SORCS3: variants seen among roughly 807,000 people sequenced by gnomAD.
SORCS3 encodes VPS10 domain-containing receptor SorCS3.
A neutral mutation model predicts 146.3 loss-of-function variants in SORCS3; 57 were observed. The observed-to-expected ratio is 0.39, with a 90% confidence interval of 0.31 to 0.49. The LOEUF is 0.49. Among genes scored for constraint, SORCS3 ranks in the 20% least tolerant of loss-of-function variants. The probability of loss-of-function intolerance (pLI) is 0.92; values close to 1 mark genes in which losing one functional copy is unlikely to be tolerated. For missense variants in SORCS3, 1,341 were observed against 1,575.5 expected (o/e 0.85, Z 2.52); for synonymous variants, 653 against 618.5 (o/e 1.06, Z -0.83).
chr10:104,730,805 C>T (rs1002353614), intron 1 of SORCS3, among the ~76,000 whole-genome samples: 4 of 152,180 alleles, frequency 2.6e-5, no homozygotes, highest in African/African-American at 9.7e-5. Flanking sequence ...ATAAAACCAC[C>T]AGATCTCTTG....
intron 5 of SORCS3, among the ~76,000 whole-genome samples, chr10:105,048,730 A>C (rs2055391620): frequency 6.6e-6 from 1 of 152,028 alleles, no homozygotes; most frequent in South Asian, 2.1e-4. Flanking sequence ...AGACAGACTA[A>C]AAACCGTTTC....
intron 7 of SORCS3, among the ~76,000 whole-genome samples, chr10:105,108,936 CAT>C (rs1300841696): frequency 6.6e-6 from 1 of 152,134 alleles, no homozygotes; most frequent in Non-Finnish European, 1.5e-5. Flanking sequence ...ACAGATATGA[CAT>C]ATATGTCTTA....
chr10:104,705,225 G>GTT lies in SORCS3; in HGVS notation c.627+63289_627+63290dup, dbSNP rs11361828. Among the ~76,000 whole-genome samples the GTT allele has an allele frequency of 6.6e-3, 788 of 119,582 alleles. 12 individuals are homozygous for GTT. Among genetic ancestry groups the GTT allele is most frequent in the South Asian group, 0.022 (78 of 3,520 alleles). 78.5% of individuals were successfully genotyped at this position (119,582 alleles called of 152,430 possible). On this transcript the variant is annotated intron_variant, in intron 1 of 26. Transcript: ENST00000369701. ...CATCTTTTGATATGGGCAGGCCTTC[G>GTT]TTTTTTTTTTTTTTTTTTTAATTGG...
intron 22 of SORCS3, among the ~76,000 whole-genome samples, chr10:105,251,148 A>G (rs1048676472): frequency 6.6e-6 from 1 of 152,110 alleles, no homozygotes; most frequent in African/African-American, 2.4e-5. Context: ...GGTTTAACTG[A>G]CTCACAGTTC....
At chr10:105,166,265 C>T (rs1043495849) in intron 12 of SORCS3, among the ~76,000 whole-genome samples, 2 of 152,140 alleles carry the variant, frequency 1.3e-5, no homozygotes, top group African/African-American at 4.8e-5. Flanking sequence ...CTGACTGTAT[C>T]GTCTCCTTAT....
At chr10:104,901,144 C>G (rs929792282) in intron 2 of SORCS3, among the ~76,000 whole-genome samples, 4 of 152,146 alleles carry the variant, frequency 2.6e-5, no homozygotes, top group African/African-American at 9.7e-5. Flanking sequence ...CCATCATCAT[C>G]ATATTAATAA....
intron 4 of SORCS3, among the ~76,000 whole-genome samples, chr10:105,026,976 A>G (rs555477505): frequency 9.8e-5 from 15 of 152,288 alleles, no homozygotes; most frequent in Admixed American, 3.9e-4. Context: ...TGAATCTAAA[A>G]GAAAAGTTGA....
At chr10:105,115,360 A>G (rs1287052790) in intron 7 of SORCS3, among the ~76,000 whole-genome samples, 1 of 152,196 alleles carries the variant, frequency 6.6e-6, no homozygotes, top group Non-Finnish European at 1.5e-5. Flanking sequence ...GAATTGAGAG[A>G]CTAATCCACA....
chr10:104,702,060 C>T (rs1482461102), intron 1 of SORCS3, among the ~76,000 whole-genome samples: 1 of 152,044 alleles, frequency 6.6e-6, no homozygotes, highest in Non-Finnish European at 1.5e-5. Flanking sequence ...AATGGGTGGG[C>T]CTGTGTTCCA....
intron 5 of SORCS3, among the ~76,000 whole-genome samples, chr10:105,080,255 C>T (rs2055613991): frequency 6.6e-6 from 1 of 152,198 alleles, no homozygotes; most frequent in African/African-American, 2.4e-5. Flanking sequence ...ATCATTCTGA[C>T]TGGCATGAGA....
intron 3 of SORCS3, among the ~76,000 whole-genome samples, chr10:104,976,151 A>T (rs1445700173): frequency 1.3e-5 from 2 of 152,226 alleles, no homozygotes; most frequent in Non-Finnish European, 2.9e-5. Flanking sequence ...AAATTTTCGC[A>T]TCCTACTCAT....
At chr10:105,129,889 A>G (rs1209598524) in intron 7 of SORCS3, among the ~76,000 whole-genome samples, 1 of 152,144 alleles carries the variant, frequency 6.6e-6, no homozygotes, top group East Asian at 1.9e-4. Context: ...GAGAATTTCT[A>G]TCCTTTATCC....
At chr10:105,173,325 AC>A (rs745349094) in intron 13 of SORCS3, among the ~76,000 whole-genome samples, 5 of 152,062 alleles carry the variant, frequency 3.3e-5, no homozygotes, top group East Asian at 1.9e-4. Context: ...ACACAAAAAA[AC>A]AACAACAAAA....
chr10:104,984,665 G>A (rs1188001814), intron 4 of SORCS3, among the ~76,000 whole-genome samples: 6 of 152,014 alleles, frequency 3.9e-5, no homozygotes, highest in Admixed American at 1.3e-4. Context: ...TCCATGTAGC[G>A]ACATAGGTAT....
In SORCS3 at chr10:104,995,177, T is replaced by G. The variant is rs182009515; in HGVS notation, c.954+17684T>G. On this transcript the variant is annotated intron_variant, in intron 4 of 26. Coordinates refer to ENST00000369701, the MANE Select transcript of SORCS3 (RefSeq NM_014978.3). ...TTCTTTCTTTCTCTTTTTTTTTTTTTGGGATGGAGTCTTGCTCTGTCGTCC... is the reference window on the plus strand; with the variant it reads ...TTCTTTCTTTCTCTTTTTTTTTTTTGGGGATGGAGTCTTGCTCTGTCGTCC... 7.7e-3 allele frequency among the ~76,000 whole-genome samples: 1,154 copies of G among 149,564 alleles called. 9 individuals carry two copies. Among genetic ancestry groups the G allele is most frequent in the Non-Finnish European group, 0.01 (705 of 67,338 alleles).
At chr10:105,041,173 A>G (rs960641037) in intron 4 of SORCS3, among the ~76,000 whole-genome samples, 3 of 148,690 alleles carry the variant, frequency 2.0e-5, no homozygotes, top group Non-Finnish European at 4.5e-5. Context: ...AAGCTGATAT[A>G]ATCTGAAGGC....
intron 3 of SORCS3, among the ~76,000 whole-genome samples, chr10:104,939,437 T>G (rs1362356400): frequency 3.3e-5 from 5 of 152,182 alleles, no homozygotes; most frequent in Admixed American, 2.6e-4. Flanking sequence ...AAAGTCAGAA[T>G]AACCCACAAA....
intron 6 of SORCS3, among the ~76,000 whole-genome samples, chr10:105,102,072 A>T (rs558055209): frequency 9.2e-5 from 14 of 152,306 alleles, no homozygotes; most frequent in African/African-American, 2.9e-4. Flanking sequence ...ACCAAGACAA[A>T]AAGGAAGGGG....
At chr10:104,668,575 A>G (rs1178954338) in intron 1 of SORCS3, among the ~76,000 whole-genome samples, 1 of 152,236 alleles carries the variant, frequency 6.6e-6, no homozygotes, top group African/African-American at 2.4e-5. Context: ...AGATTCAGTG[A>G]GATACACTTG....
Sources: gnomAD v4.1 joint callset for allele counts (sites outside exome capture counted in the v4.1 genomes callset) on GRCh38, gnomAD v4.1.1 for gene constraint, MANE v1.5 for transcripts, NCBI Gene and HGNC (gene_info 2026-07-23, HGNC 2026-07-21) for gene names.